KIAA1328: variants seen among roughly 807,000 people sequenced by gnomAD.
KIAA1328 encodes KIAA1328.
KIAA1328 carries 52 observed loss-of-function variants against 68.1 expected under a neutral mutation model. The observed-to-expected ratio is 0.76, with a 90% CI of 0.61 to 0.96. KIAA1328 has a LOEUF of 0.96. Among genes scored for constraint, KIAA1328 ranks in the 40% least tolerant of loss-of-function variants. The pLI is 0.00. For synonymous variants in KIAA1328, 232 were observed against 239.4 expected (o/e 0.97, Z 0.28); for missense variants, 641 against 677.6 (o/e 0.95, Z 0.60).
Position 36,963,002 on chromosome 18 carries a change from A to T in KIAA1328, c.576+3567A>T, listed in dbSNP as rs569591298. On this transcript the variant is annotated intron_variant, in intron 6 of 9. Transcript: ENST00000280020. ...ACTGAAGGAGATAGAGGCACAAAAAAACCCTTCAAAAAATCAATGAATCCA... is the reference window on the plus strand; with the variant it reads ...ACTGAAGGAGATAGAGGCACAAAAATACCCTTCAAAAAATCAATGAATCCA... 1.0e-3 allele frequency among the ~76,000 whole-genome samples: 155 copies of T among 152,362 alleles called. 2 individuals are homozygous for T. The highest frequency in any genetic ancestry group is 3.7e-3 in the African/African-American group (154 of 41,588).
intron 7 of KIAA1328, among the ~76,000 whole-genome samples, chr18:37,115,806 T>C (rs2058089176): frequency 6.6e-6 from 1 of 152,180 alleles, no homozygotes; most frequent in Non-Finnish European, 1.5e-5. Flanking sequence ...GATAAGCAAT[T>C]TCAGCAAAGT....
At chr18:36,909,900 T>A (rs1219044056) in intron 5 of KIAA1328, among the ~76,000 whole-genome samples, 3 of 152,250 alleles carry the variant, frequency 2.0e-5, no homozygotes, top group Non-Finnish European at 4.4e-5. Flanking sequence ...TGAGCATTTT[T>A]TCATGTGTCT....
At chr18:37,212,282 C>T (rs1387659293) in intron 9 of KIAA1328, among the ~76,000 whole-genome samples, 2 of 152,158 alleles carry the variant, frequency 1.3e-5, no homozygotes, top group Non-Finnish European at 2.9e-5. Context: ...GAAATATTGC[C>T]TTCATTCTGT....
intron 5 of KIAA1328, among the ~76,000 whole-genome samples, chr18:36,938,625 C>T (rs1004887387): frequency 6.6e-6 from 1 of 152,108 alleles, no homozygotes; most frequent in African/African-American, 2.4e-5. Context: ...ACTTTCGTTG[C>T]CTGTTCTTTT....
chr18:36,926,082 A>G (rs2050105494), intron 5 of KIAA1328, among the ~76,000 whole-genome samples: 1 of 151,860 alleles, frequency 6.6e-6, no homozygotes, highest in African/African-American at 2.4e-5. Context: ...GGGGCTTTAT[A>G]GACATTTTCA....
intron 6 of KIAA1328, among the ~76,000 whole-genome samples, chr18:37,010,119 C>T (rs778086364): frequency 1.3e-5 from 2 of 152,030 alleles, no homozygotes; most frequent in Non-Finnish European, 1.5e-5. Context: ...TGCTGGGCTA[C>T]AGTAATAAAT....
chr18:37,110,819 G>A (rs1311353946), intron 7 of KIAA1328, among the ~76,000 whole-genome samples: 1 of 152,162 alleles, frequency 6.6e-6, no homozygotes, highest in Non-Finnish European at 1.5e-5. Flanking sequence ...GTTTTAGGTG[G>A]TTGCCGTCTC....
At chr18:37,150,403 T>A (rs2059002412) in intron 7 of KIAA1328, among the ~76,000 whole-genome samples, 1 of 152,134 alleles carries the variant, frequency 6.6e-6, no homozygotes, top group Non-Finnish European at 1.5e-5. Flanking sequence ...CCATATGCCT[T>A]CTGTGTGGCA....
intron 4 of KIAA1328, among the ~76,000 whole-genome samples, chr18:36,847,723 A>G (rs1469318414): frequency 6.6e-6 from 1 of 151,636 alleles, no homozygotes; most frequent in Non-Finnish European, 1.5e-5. Flanking sequence ...TTCTTTTGAT[A>G]AAATTTTGGA....
chr18:37,055,513 G>A (rs1444539480), intron 6 of KIAA1328, among the ~76,000 whole-genome samples: 2 of 152,186 alleles, frequency 1.3e-5, no homozygotes, highest in African/African-American at 4.8e-5. Flanking sequence ...TTGCATGGGG[G>A]AAAATGAACA....
At chr18:37,138,107 G>A (rs1340166032) in intron 7 of KIAA1328, among the ~76,000 whole-genome samples, 2 of 152,022 alleles carry the variant, frequency 1.3e-5, no homozygotes, top group Non-Finnish European at 2.9e-5. Context: ...TCATTTAATA[G>A]TAACATAAAT....
rs976402725 is a variant in KIAA1328, at chr18:37,056,415, GT to G, written c.577-10465del. Among the ~76,000 whole-genome samples, 38 of 147,630 alleles carry G rather than the reference GT, an allele frequency of 2.6e-4. No individual in the cohort carries two copies. In the East Asian group the frequency reaches 4.5e-3, roughly 18 times the overall value. On this transcript the variant is annotated intron_variant, in intron 6 of 9. Coordinates refer to ENST00000280020, the MANE Select transcript of KIAA1328 (RefSeq NM_020776.3). ...TGTATCCAAACCAAGTCTCTCACAG[GT>G]TTTTTTTTTAATCCTTGTTCTTTTG... is the stretch of plus-strand genomic sequence containing the variant.
chr18:36,848,422 A>G (rs567608090), intron 4 of KIAA1328, among the ~76,000 whole-genome samples: 2 of 150,850 alleles, frequency 1.3e-5, no homozygotes, highest in African/African-American at 2.4e-5. Context: ...GTATCCTTCA[A>G]CCTTTTAAAA....
At chr18:37,041,541 T>C (rs946540902) in intron 6 of KIAA1328, among the ~76,000 whole-genome samples, 5 of 152,062 alleles carry the variant, frequency 3.3e-5, no homozygotes, top group Non-Finnish European at 2.9e-5. Flanking sequence ...AATGTAATTG[T>C]GATATGGTTG....
intron 5 of KIAA1328, among the ~76,000 whole-genome samples, chr18:36,894,547 A>C (rs1182426073): frequency 1.3e-5 from 2 of 151,160 alleles, no homozygotes; most frequent in Non-Finnish European, 2.9e-5. Context: ...TTTTTTTGAG[A>C]CAGGGTCTTA....
intron 7 of KIAA1328, among the ~76,000 whole-genome samples, chr18:37,128,032 A>G (rs575276635): frequency 4.6e-5 from 7 of 152,358 alleles, no homozygotes; most frequent in African/African-American, 1.2e-4. Context: ...CTTACCTGAC[A>G]TTATATACAA....
chr18:37,049,707 G>T (rs1160932802), intron 6 of KIAA1328, among the ~76,000 whole-genome samples: 1 of 152,042 alleles, frequency 6.6e-6, no homozygotes, highest in Non-Finnish European at 1.5e-5. Flanking sequence ...GAACATACAG[G>T]CTTAAGAAAG....
chr18:36,998,263 C>G (rs2053467159), intron 6 of KIAA1328, among the ~76,000 whole-genome samples: 1 of 152,184 alleles, frequency 6.6e-6, no homozygotes, highest in Non-Finnish European at 1.5e-5. Context: ...CCAGCGGTTA[C>G]CACCTCAGGT....
chr18:37,126,175 T>C (rs547994123), intron 7 of KIAA1328, among the ~76,000 whole-genome samples: 1 of 152,316 alleles, frequency 6.6e-6, no homozygotes, highest in African/African-American at 2.4e-5. Context: ...GTATATAAGG[T>C]ATATGTGAAC....
Sources: gnomAD v4.1 joint callset for allele counts (sites outside exome capture counted in the v4.1 genomes callset) on GRCh38, gnomAD v4.1.1 for gene constraint, MANE v1.5 for transcripts, NCBI Gene and HGNC (gene_info 2026-07-23, HGNC 2026-07-21) for gene names.